The following IARS2 variants were observed in gnomAD, a reference collection of about 807,000 sequenced individuals.
IARS2 encodes isoleucyl-tRNA synthetase 2, mitochondrial.
A neutral mutation model predicts 126.3 loss-of-function variants in IARS2; 56 were observed. The ratio of observed to expected loss-of-function variants is 0.44; its 90% confidence interval spans 0.36 to 0.55. The LOEUF is 0.55. Among genes scored for constraint, IARS2 ranks in the 20% least tolerant of loss-of-function variants. IARS2 has a pLI of 0.00. For missense variants in IARS2, 1,127 were observed against 1,245.9 expected, an observed-to-expected ratio of 0.90 and a Z score of 1.44; for synonymous variants, 407 against 441.1, an observed-to-expected ratio of 0.92 and a Z score of 0.97.
At chr1:220,110,588 A>C (rs191487401) in intron 10 of IARS2, among the ~76,000 whole-genome samples, 198 bp from the exon 11 acceptor site, 1 of 151,440 alleles carries the variant, frequency 6.6e-6, no homozygotes, top group Non-Finnish European at 1.5e-5. Context: ...CTGGTCTCGA[A>C]CTCCTGACCT....
At chr1:220,122,935 TA>T (rs113019679) in intron 12 of IARS2, among the ~76,000 whole-genome samples, 20,424 of 145,618 alleles carry the variant, frequency 0.14, 1,472 homozygotes, top group South Asian at 0.2. Context: ...GATAACATTG[TA>T]AAAAAAAAAA....
intron 10 of IARS2, 27 bp downstream of exon 10, chr1:220,107,178 A>C (rs900573311): frequency 6.7e-7 from 1 of 1,501,820 alleles, no homozygotes; most frequent in Non-Finnish European, 9.3e-7. Flanking sequence ...TTGATATCAT[A>C]CATGTTTTCT....
intron 10 of IARS2, among the ~76,000 whole-genome samples, chr1:220,109,281 T>G (rs1410596140): frequency 6.6e-6 from 1 of 151,768 alleles, no homozygotes; most frequent in Non-Finnish European, 1.5e-5. Context: ...GTGCCTGTAA[T>G]CCCAGCTACT....
Position 220,147,649 on chromosome 1 carries a change from C to T in IARS2, c.*14C>T, listed in dbSNP as rs1280630938. 1.3e-5 allele frequency: 21 copies of T among 1,613,448 alleles called. No homozygotes were observed. The highest frequency in any genetic ancestry group is 1.8e-5 in the Non-Finnish European group (21 of 1,179,554). ...AGTGGAAAATAGTATTAACAGCTCA[C>T]TCGAGCAAGAACCCTCCTGACAGTA... On this transcript the variant is annotated 3_prime_UTR_variant, in exon 23 of 23. Transcript: ENST00000366922.
chr1:220,095,520 A>G (rs1370393542), intron 1 of IARS2, among the ~76,000 whole-genome samples: 7 of 152,238 alleles, frequency 4.6e-5, no homozygotes, highest in Non-Finnish European at 8.8e-5. Flanking sequence ...TATGCCAGAA[A>G]GAGTGACAGT....
chr1:220,147,737 A>G lies in IARS2; in HGVS notation c.*102A>G, dbSNP rs1440473227. 2.6e-6 allele frequency: 3 copies of G among 1,153,744 alleles called. No homozygotes were observed. Among genetic ancestry groups the G allele is most frequent in the Non-Finnish European group, 3.7e-6 (3 of 802,936 alleles). The allele number at this position is 1,153,744 out of a possible 1,614,324, so 71.5% of individuals were successfully genotyped here. On this transcript the variant is annotated 3_prime_UTR_variant, in exon 23 of 23. Coordinates refer to ENST00000366922, the MANE Select transcript of IARS2 (RefSeq NM_018060.4). ...AAAGAAAGCCAAGATTTAGGTAATGAGTGGATGAGTAAATGGTGGAGGATG... is the reference window on the plus strand; with the variant it reads ...AAAGAAAGCCAAGATTTAGGTAATGGGTGGATGAGTAAATGGTGGAGGATG...
chr1:220,145,699 A>T, intron 22 of IARS2, 46 bp downstream of exon 22: 1 of 1,516,114 alleles, frequency 6.6e-7, no homozygotes, highest in Non-Finnish European at 9.0e-7. Flanking sequence ...AGAATTGAAT[A>T]ATTATAGGTC....
chr1:220,097,450 G>A (rs1053471370), intron 2 of IARS2, among the ~76,000 whole-genome samples: 6 of 147,418 alleles, frequency 4.1e-5, no homozygotes, highest in Non-Finnish European at 7.4e-5. Flanking sequence ...TGCAATCTCC[G>A]CTTCCCGGGT....
Position 220,134,414 on chromosome 1 carries a change from G to A in IARS2, c.1850G>A (p.Arg617Lys), listed in dbSNP as rs2102837100. The A allele has an allele frequency of 6.2e-7, 1 of 1,603,256 alleles. No homozygotes were observed. Among genetic ancestry groups the A allele is most frequent in the Non-Finnish European group, 8.5e-7 (1 of 1,175,668 alleles). ...WSYVLPGPDQ[R>K]ADLYLEGKDQ... ...ACTTAATTTTGAGGTCCTGACCAAAGAGCAGATTTGTACTTGGAAGGAAAA... is the reference window on the plus strand; with the variant it reads ...ACTTAATTTTGAGGTCCTGACCAAAAAGCAGATTTGTACTTGGAAGGAAAA... Residue 617 changes from arginine (R) to lysine (K), a missense_variant, in exon 15 of 23, where the codon AGA becomes AAA. Transcript: ENST00000366922.
chr1:220,140,302 A>G lies in IARS2; in HGVS notation c.2414+13A>G. On this transcript the variant is annotated intron_variant, in intron 19 of 22. Transcript: ENST00000366922. Reference sequence around the variant, plus strand: ...TAATCAAAGATAGGTATGTATGACTAAATATTAAAATGCTTAACAATGGCC... The same window carrying G: ...TAATCAAAGATAGGTATGTATGACTGAATATTAAAATGCTTAACAATGGCC... 3.5e-6 allele frequency: 5 copies of G among 1,434,706 alleles called. No individual in the cohort carries two copies. The highest frequency in any genetic ancestry group is 4.9e-6 in the Non-Finnish European group (5 of 1,018,368). 88.9% of individuals were successfully genotyped at this position (1,434,706 alleles called of 1,614,324 possible).
In IARS2 at chr1:220,146,517, C is replaced by CAAAAAA. The variant is rs1186000971; in HGVS notation, c.2896+881_2896+886dup. 4.9e-3 allele frequency among the ~76,000 whole-genome samples: 302 copies of CAAAAAA among 61,880 alleles called. 19 individuals carry two copies. Among genetic ancestry groups the CAAAAAA allele is most frequent in the Middle Eastern group, 0.011 (1 of 88 alleles). The allele number at this position is 61,880 out of a possible 152,430, so 40.6% of individuals were successfully genotyped here. A position where few individuals can be genotyped will look rare whatever the true frequency, so the allele number is the denominator to read the frequency against. ...TGGGCGACAGAGCGAGACTCCGTCT[C>CAAAAAA]AAAAAAAAAAAAAAAAAAAAAAGCA... On this transcript the variant is annotated intron_variant, in intron 22 of 22. Coordinates refer to ENST00000366922, the MANE Select transcript of IARS2 (RefSeq NM_018060.4).
At chr1:220,110,634 G>T (rs1656780867) in intron 10 of IARS2, 152 bp from the exon 11 acceptor site, 1 of 624,150 alleles carries the variant, frequency 1.6e-6, no homozygotes. Context: ...AAAGTGCTGG[G>T]ATTACAGGTG....
rs1656698905 is a variant in IARS2 at position 220,107,149 on chromosome 1, T to C, written c.1325T>C (p.Val442Ala). 1.9e-6 allele frequency: 3 copies of C among 1,602,470 alleles called. No homozygotes were observed. In the South Asian group the frequency reaches 3.3e-5, roughly 18 times the overall value. Reference protein sequence around the residue: ...NKAVLEEGTDVVIKMLQTAKN... With the variant: ...NKAVLEEGTDAVIKMLQTAKN... ...GCTGTCCTTGAAGAGGGAACTGATGTGGGTGAGCATCATATCTGTTGATAT... is the reference window on the plus strand; with the variant it reads ...GCTGTCCTTGAAGAGGGAACTGATGCGGGTGAGCATCATATCTGTTGATAT... Residue 442 changes from valine to alanine, a missense_variant and splice_region_variant, in exon 10 of 23, where the codon GTG (valine) becomes GCG (alanine). Coordinates refer to ENST00000366922, the MANE Select transcript of IARS2 (RefSeq NM_018060.4).
chr1:220,130,656 C>A (rs1193485171), intron 14 of IARS2, among the ~76,000 whole-genome samples: 1 of 152,134 alleles, frequency 6.6e-6, no homozygotes, highest in Non-Finnish European at 1.5e-5. Context: ...CTCCTGGGTT[C>A]ACGCCATTCT....
intron 2 of IARS2, 35 bp downstream of exon 2, chr1:220,096,261 AGT>A (rs2102815334): frequency 7.2e-7 from 1 of 1,379,698 alleles, no homozygotes; most frequent in South Asian, 1.4e-5. Flanking sequence ...CTTGAAAGAA[AGT>A]GTTTATGTAA....
chr1:220,139,279 C>T (rs773636459), intron 18 of IARS2, 140 bp downstream of exon 18: 4 of 530,264 alleles, frequency 7.5e-6, no homozygotes, highest in Non-Finnish European at 1.3e-5. Flanking sequence ...GTCCAGACTT[C>T]CCCTCGGACC....
intron 20 of IARS2, 29 bp downstream of exon 20, chr1:220,141,977 T>C (rs375616375): frequency 4.4e-6 from 7 of 1,603,114 alleles, no homozygotes; most frequent in South Asian, 2.2e-5. Flanking sequence ...ATTCTCTTAA[T>C]GAGAAATATC....
intron 9 of IARS2, 73 bp from the exon 10 acceptor site, chr1:220,106,988 A>G (rs1020952561): frequency 5.0e-6 from 5 of 994,924 alleles, no homozygotes; most frequent in Non-Finnish European, 8.1e-6. Context: ...GTTTTTATAT[A>G]TATTGTTTTG....
chr1:220,102,290 T>C lies in IARS2; in HGVS notation c.699+13T>C. The stretch of plus-strand genomic sequence containing the variant: ...AATGTATGATAAGGTAAAGAAGTAT[T>C]TTTTCTCTTTGAGTAGGTTTTAGTA... On this transcript the variant is annotated intron_variant, in intron 4 of 22. Transcript: ENST00000366922. The C allele has an allele frequency of 1.2e-6, 2 of 1,603,980 alleles. No homozygotes were observed. Among genetic ancestry groups the C allele is most frequent in the Non-Finnish European group, 8.5e-7 (1 of 1,177,508 alleles).
Sources: allele counts gnomAD v4.1 joint callset (sites outside exome capture counted in the v4.1 genomes callset), GRCh38; gene constraint gnomAD v4.1.1; transcripts MANE v1.5; gene names NCBI Gene and HGNC (gene_info 2026-07-23, HGNC 2026-07-21).